Variants in IL36B observed in about 807,000 individuals in gnomAD.
IL36B encodes the protein interleukin 36 beta.
In IL36B, 23 loss-of-function variants were observed where a neutral mutation model predicts 19.3. The observed-to-expected ratio is 1.19, with a 90% CI of 0.86 to 1.69. IL36B has a LOEUF of 1.69. Among genes scored for constraint, IL36B ranks in the 40% most tolerant of loss-of-function variants. IL36B has a pLI of 0.00. For synonymous variants in IL36B, 59 were observed against 59.7 expected (o/e 0.99, Z 0.05); for missense variants, 217 against 200.5 (o/e 1.08, Z -0.50).
chr2:113,044,152 T>G (rs1351151681), intron 1 of IL36B, among the ~76,000 whole-genome samples: 1 of 152,162 alleles, frequency 6.6e-6, no homozygotes, highest in African/African-American at 2.4e-5. Context: ...TTTAGCAATA[T>G]TTTAAAATTT....
intron 1 of IL36B, among the ~76,000 whole-genome samples, chr2:113,044,055 GA>G (rs1308541260): frequency 2.0e-5 from 3 of 152,228 alleles, no homozygotes; most frequent in Non-Finnish European, 4.4e-5. Context: ...TCAAGTTGGG[GA>G]AAATTCACTT....
chr2:113,032,044 A>C (rs1486233483), intron 1 of IL36B, among the ~76,000 whole-genome samples: 2 of 151,730 alleles, frequency 1.3e-5, no homozygotes, highest in African/African-American at 4.8e-5. Flanking sequence ...GATTGTTAGG[A>C]GGTTCCAACA....
intron 4 of IL36B, chr2:113,027,639 T>C: frequency 7.7e-7 from 1 of 1,294,548 alleles, no homozygotes; most frequent in Middle Eastern, 2.0e-4. Context: ...AAACTGGGCA[T>C]GGCAGCTGAG....
At chr2:113,031,855 CT>C in intron 1 of IL36B, 89 bp from the exon 2 acceptor site, 1 of 671,852 alleles carries the variant, frequency 1.5e-6, no homozygotes. Flanking sequence ...TGTAAAAATT[CT>C]TTAGAGAGAG....
chr2:113,039,285 C>G (rs1424056162), intron 1 of IL36B, among the ~76,000 whole-genome samples: 1 of 152,152 alleles, frequency 6.6e-6, no homozygotes, highest in Admixed American at 6.5e-5. Context: ...CAGGGTGTCC[C>G]AGTCACAAAA....
At chr2:113,046,502 C>T (rs1241080816) in intron 1 of IL36B, among the ~76,000 whole-genome samples, 1 of 152,224 alleles carries the variant, frequency 6.6e-6, no homozygotes, top group Non-Finnish European at 1.5e-5. Flanking sequence ...GCCACCGCGC[C>T]TGCCCTCTTC....
Position 113,026,171 on chromosome 2 carries a change from G to A in IL36B, c.323C>T (p.Thr108Ile). The change falls in exon 5 of 6, where the codon ACA becomes ATA. Residue 108 changes from threonine to isoleucine, a missense_variant. Transcript: ENST00000259213. ...CTCTCTCACATCCAGGTTTATGCAT[G>A]TGTGAATTCCAACTAGTTTCCAGCA... 6.2e-7 allele frequency: 1 copy of A among 1,613,960 alleles called. No individual in the cohort carries two copies. Among genetic ancestry groups the A allele is most frequent in the Non-Finnish European group, 8.5e-7 (1 of 1,179,862 alleles).
At chr2:113,024,795 C>T (rs1346791796) in intron 5 of IL36B, among the ~76,000 whole-genome samples, 2 of 152,214 alleles carry the variant, frequency 1.3e-5, no homozygotes, top group African/African-American at 2.4e-5. Flanking sequence ...TTTTTCATCA[C>T]CATCTTCCTA....
At position 113,047,097 on chromosome 2, in the gene IL36B, A is replaced by C. The variant is rs371088220; in HGVS notation, c.-58+5720T>G. Among the ~76,000 whole-genome samples the C allele has an allele frequency of 3.3e-5, 5 of 152,304 alleles. No homozygotes were observed. In the East Asian group the frequency reaches 5.8e-4, roughly 18 times the overall value. On this transcript the variant is annotated intron_variant, in intron 1 of 5. Transcript: ENST00000259213. Reference sequence around the variant, plus strand: ...TGCTACTTTATTTATTTTGCTACTTAAGTTGTTCCAGCTTTGGCCATTGGA... The same window carrying C: ...TGCTACTTTATTTATTTTGCTACTTCAGTTGTTCCAGCTTTGGCCATTGGA...
rs1351474244 is a variant in IL36B, at chr2:113,022,711, G to A, written c.458C>T (p.Ser153Phe). 4.3e-6 allele frequency: 7 copies of A among 1,612,660 alleles called. No homozygotes were observed. The highest frequency in any genetic ancestry group is 4.2e-6 in the Non-Finnish European group (5 of 1,178,738). Residue 153 changes from serine (S) to phenylalanine (F), a missense_variant, in exon 6 of 6, where the codon TCC (serine) becomes TTC (phenylalanine). Physicochemically the swap from Ser to Phe is radical, Grantham distance 155. Coordinates refer to ENST00000259213, the MANE Select transcript of IL36B (RefSeq NM_014438.5). ...TGGCATTCCTATGTTGGTCCGCATGGATGAGAAATCTTTGTCCTTCTTCCT... is the reference window on the plus strand; with the variant it reads ...TGGCATTCCTATGTTGGTCCGCATGAATGAGAAATCTTTGTCCTTCTTCCT...
Position 113,031,085 on chromosome 2 carries a change from A to G in IL36B, c.84T>C (p.Ser28=). The change falls in exon 3 of 6, where the codon TCT becomes TCC. Residue 28 remains serine, a synonymous_variant. Transcript: ENST00000259213. ...TGCGGCTAAGAGGAGCTGCTATTAA[A>G]GAATTTCCACTCAGGACCCACACCA... 1 of 1,614,104 alleles carries G rather than the reference A, an allele frequency of 6.2e-7. No homozygotes were observed. Among genetic ancestry groups the G allele is most frequent in the East Asian group, 2.2e-5 (1 of 44,890 alleles).
intron 1 of IL36B, among the ~76,000 whole-genome samples, chr2:113,033,309 G>A (rs887611737): frequency 1.3e-5 from 2 of 152,188 alleles, no homozygotes; most frequent in African/African-American, 4.8e-5. Flanking sequence ...TCGGCTCATG[G>A]AAACTTCCGC....
At position 113,033,546 on chromosome 2, in the gene IL36B, A is replaced by G. The variant is rs35835383; in HGVS notation, c.-57-1780T>C. Among the ~76,000 whole-genome samples, 562 of 152,226 alleles carry G rather than the reference A, an allele frequency of 3.7e-3. 4 individuals carry two copies. Among genetic ancestry groups the G allele is most frequent in the African/African-American group, 0.013 (531 of 41,548 alleles). On this transcript the variant is annotated intron_variant, in intron 1 of 5. Coordinates refer to ENST00000259213, the MANE Select transcript of IL36B (RefSeq NM_014438.5). ...GAGCCACTGCACCCGTCCCACACACAACTCTTTAGGGGCCATTAATTTTAT... is the reference window on the plus strand; with the variant it reads ...GAGCCACTGCACCCGTCCCACACACGACTCTTTAGGGGCCATTAATTTTAT...
chr2:113,027,813 A>G lies in IL36B; in HGVS notation c.261+1126T>C, dbSNP rs1684991535. The G allele has an allele frequency of 5.2e-6, 8 of 1,539,250 alleles. No individual in the cohort carries two copies. The East Asian group carries it at 1.4e-4, about 27-fold the overall frequency. ...TAAGCTATGGATGGGCTGAACTGCTAGTGAACTCAGTCGCATAATGATCTG... is the reference window on the plus strand; with the variant it reads ...TAAGCTATGGATGGGCTGAACTGCTGGTGAACTCAGTCGCATAATGATCTG... On this transcript the variant is annotated intron_variant, in intron 4 of 5. Coordinates refer to ENST00000259213, the MANE Select transcript of IL36B (RefSeq NM_014438.5).
chr2:113,028,829 A>C, intron 4 of IL36B, 110 bp downstream of exon 4: 1 of 1,145,134 alleles, frequency 8.7e-7, no homozygotes, highest in Non-Finnish European at 1.2e-6. Flanking sequence ...TTATTTCCTT[A>C]CATTGAATAG....
intron 1 of IL36B, among the ~76,000 whole-genome samples, chr2:113,034,160 A>T (rs1401431960): frequency 2.0e-5 from 3 of 152,106 alleles, no homozygotes; most frequent in Admixed American, 1.3e-4. Context: ...GGTCCTCTTT[A>T]TCTTTCTGCT....
intron 1 of IL36B, among the ~76,000 whole-genome samples, chr2:113,042,858 A>G (rs920009322): frequency 2.0e-5 from 3 of 151,558 alleles, no homozygotes; most frequent in African/African-American, 7.2e-5. Context: ...TTTAACAGAA[A>G]CTACCTTTTT....
chr2:113,023,786 A>C (rs1312492700), intron 5 of IL36B, among the ~76,000 whole-genome samples: 1 of 152,186 alleles, frequency 6.6e-6, no homozygotes, highest in African/African-American at 2.4e-5. Context: ...TCAAACTAGT[A>C]AGGTAGTTAA....
intron 1 of IL36B, among the ~76,000 whole-genome samples, chr2:113,051,023 C>T (rs548525304): frequency 5.3e-4 from 80 of 151,752 alleles, no homozygotes; most frequent in Non-Finnish European, 9.9e-4. Flanking sequence ...AATCGGAGGC[C>T]GTGCCTCTCA....
Sources: gnomAD v4.1 joint callset for allele counts (sites outside exome capture counted in the v4.1 genomes callset) on GRCh38, gnomAD v4.1.1 for gene constraint, MANE v1.5 for transcripts, NCBI Gene and HGNC (gene_info 2026-07-23, HGNC 2026-07-21) for gene names.